Variants in APOL4 observed in about 807,000 individuals in gnomAD.
APOL4 encodes the protein apolipoprotein L, 4.
A neutral mutation model predicts 12.1 loss-of-function variants in APOL4; 14 were observed. The ratio of observed to expected loss-of-function variants is 1.16; its 90% confidence interval spans 0.76 to 1.81. APOL4 has a LOEUF of 1.81. Among genes scored for constraint, APOL4 ranks in the 40% most tolerant of loss-of-function variants. The pLI is 0.00. For missense variants in APOL4, 432 were observed against 423.1 expected (o/e 1.02, Z -0.18); for synonymous variants, 171 against 160.6 (o/e 1.06, Z -0.49).
At chr22:36,202,956 T>G (rs555596915), upstream of APOL4, among the ~76,000 whole-genome samples, 1 of 152,190 alleles carries the variant, frequency 6.6e-6, no homozygotes, top group South Asian at 2.1e-4. Context: ...AACGGGTGAT[T>G]TTAGTAATCC....
chr22:36,196,080 C>A (rs536775441), intron 2 of APOL4, among the ~76,000 whole-genome samples: 30 of 152,328 alleles, frequency 2.0e-4, no homozygotes, highest in Middle Eastern at 3.4e-3. Context: ...AGAAAGTGAG[C>A]TTTCCACCAT....
In APOL4 at chr22:36,191,776, T is replaced by A. The variant is rs746989675; in HGVS notation, c.346A>T (p.Ile116Phe). ...LKEFPQIRWK[I>F]QESIERLRVI... ...CGAAGCCTTTCTATGGACTCCTGAA[T>A]CTTCCATCTGATTTGAGGAAACTCT... is the stretch of plus-strand genomic sequence containing the variant. The change falls in exon 4 of 4, where the codon ATT becomes TTT. Residue 116 changes from isoleucine (I) to phenylalanine (F), a missense_variant. Ile to Phe is a conservative substitution (Grantham distance 21). Transcript: ENST00000683024. 2 of 1,609,194 alleles carry A rather than the reference T, an allele frequency of 1.2e-6. No homozygotes were observed. The highest frequency in any genetic ancestry group is 3.4e-5 in the Admixed American group (2 of 59,310).
chr22:36,193,540 G>A (rs1363923981), intron 3 of APOL4, among the ~76,000 whole-genome samples: 5 of 152,136 alleles, frequency 3.3e-5, no homozygotes, highest in African/African-American at 9.7e-5. Flanking sequence ...AACCACAATC[G>A]TGCAATAACA....
In APOL4 at chr22:36,191,173, TTGCCCCCTTG is replaced by T; in HGVS notation, c.939_948del (p.His313GlnfsTer9). The T allele has an allele frequency of 6.2e-7, 1 of 1,613,144 alleles. No homozygotes were observed. Among genetic ancestry groups the T allele is most frequent in the Non-Finnish European group, 8.5e-7 (1 of 1,179,518 alleles). On this transcript the variant is annotated frameshift_variant, in exon 4 of 4. Coordinates refer to ENST00000683024, the MANE Select transcript of APOL4 (RefSeq NM_001386885.1). LOFTEE classifies it low-confidence loss of function (END_TRUNC). ...CTCAGCGACTCAGCAGACTCGGATT[TTGCCCCCTTG>T]TGCAAGTCCAGTGAGTCTTGCACAA...
chr22:36,201,927 C>G, upstream of APOL4: 1 of 1,612,890 alleles, frequency 6.2e-7, no homozygotes, highest in Non-Finnish European at 8.5e-7. Context: ...AGCCCAAGCC[C>G]TGCCCAATTG....
upstream of APOL4, chr22:36,204,758 GA>G (rs945072677): frequency 6.9e-6 from 2 of 289,796 alleles, no homozygotes; most frequent in African/African-American, 4.5e-5. Flanking sequence ...CCAGGAATTC[GA>G]AAGGTAAAAT....
At chr22:36,200,487 AG>A (rs1338330579) in intron 1 of APOL4, among the ~76,000 whole-genome samples, 1 of 152,234 alleles carries the variant, frequency 6.6e-6, no homozygotes, top group African/African-American at 2.4e-5. Context: ...ATGCCGGCCT[AG>A]CCCCTGCTGT....
chr22:36,195,232 C>T, intron 3 of APOL4, 79 bp downstream of exon 3: 3 of 1,534,862 alleles, frequency 2.0e-6, no homozygotes, highest in South Asian at 2.5e-5. Context: ...AGGAGGTGTG[C>T]CTGCCAGAGA....
In APOL4 at chr22:36,190,829, T is replaced by G; in HGVS notation, c.*246A>C. 4.1e-6 allele frequency: 2 copies of G among 486,466 alleles called. No individual in the cohort carries two copies. Among genetic ancestry groups the G allele is most frequent in the Non-Finnish European group, 3.7e-6 (1 of 269,966 alleles). The allele number at this position is 486,466 out of a possible 1,614,324, so 30.1% of individuals were successfully genotyped here. A position where few individuals can be genotyped will look rare whatever the true frequency, so the allele number is the denominator to read the frequency against. ...CATACATCCTCCTCAGCTGACAGGATTAGGAGATTAAAGTAAAGACAGGCA... is the reference window on the plus strand; with the variant it reads ...CATACATCCTCCTCAGCTGACAGGAGTAGGAGATTAAAGTAAAGACAGGCA... On this transcript the variant is annotated 3_prime_UTR_variant, in exon 4 of 4. Transcript: ENST00000683024.
intron 3 of APOL4, among the ~76,000 whole-genome samples, chr22:36,194,143 C>G (rs1032840869): frequency 6.6e-6 from 1 of 152,104 alleles, no homozygotes; most frequent in African/African-American, 2.4e-5. Context: ...TCAAATTACA[C>G]CAGTTGAAGC....
At chr22:36,201,888 C>T (rs1373828725), upstream of APOL4, 7 of 1,597,434 alleles carry the variant, frequency 4.4e-6, no homozygotes, top group South Asian at 1.1e-5. Context: ...GATTTTGGTT[C>T]CTAGAAAAAC....
At chr22:36,204,705 C>A, upstream of APOL4, 1 of 480,626 alleles carries the variant, frequency 2.1e-6, no homozygotes. Context: ...CAGCTGTGCA[C>A]CTATATAATA....
intron 2 of APOL4, among the ~76,000 whole-genome samples, chr22:36,198,246 C>T (rs1041086912): frequency 3.3e-5 from 5 of 152,234 alleles, no homozygotes; most frequent in African/African-American, 1.2e-4. Context: ...CACCTGCATT[C>T]AGAGACCTCC....
In APOL4 at chr22:36,191,852, C is replaced by A. The variant is rs567877022; in HGVS notation, c.270G>T (p.Glu90Asp). 6 of 1,613,002 alleles carry A rather than the reference C, an allele frequency of 3.7e-6. No homozygotes were observed. The highest frequency in any genetic ancestry group is 3.4e-6 in the Non-Finnish European group (4 of 1,179,936). The change falls in exon 4 of 4, where the codon GAG (glutamate) becomes GAT (aspartate). Residue 90 changes from glutamate (E) to aspartate (D), a missense_variant. Physicochemically the swap from Glu to Asp is conservative, Grantham distance 45. Coordinates refer to ENST00000683024, the MANE Select transcript of APOL4 (RefSeq NM_001386885.1). ...GTTCTTTTTGCTGCATGTCTTTGTC[C>A]TCAATAGCCACATATGGTGTAAGAT... ...LKNLTPYVAI[E>D]DKDMQQKEQQ...
At chr22:36,199,031 C>A (rs975130709) in intron 2 of APOL4, among the ~76,000 whole-genome samples, 1 of 152,218 alleles carries the variant, frequency 6.6e-6, no homozygotes, top group Admixed American at 6.5e-5. Flanking sequence ...TTCCATTTCC[C>A]CAAGGCTGTC....
chr22:36,196,701 C>T (rs538671380), intron 2 of APOL4, among the ~76,000 whole-genome samples: 5 of 152,218 alleles, frequency 3.3e-5, no homozygotes, highest in East Asian at 1.9e-4. Flanking sequence ...TGTGCTCATA[C>T]GTGCGAGGCC....
At chr22:36,195,766 TCTCTC>T (rs2014388601) in intron 2 of APOL4, among the ~76,000 whole-genome samples, 2 of 114,982 alleles carry the variant, frequency 1.7e-5, no homozygotes, top group African/African-American at 2.8e-5. Flanking sequence ...TCTCTCTCTC[TCTCTC>T]TCTCTCACAC....
chr22:36,203,067 G>A (rs1044094591), upstream of APOL4, among the ~76,000 whole-genome samples: 2 of 152,212 alleles, frequency 1.3e-5, no homozygotes, highest in African/African-American at 2.4e-5. Flanking sequence ...TGAATCTCAT[G>A]ATTACAAAGC....
At chr22:36,197,113 G>A (rs747039370) in intron 2 of APOL4, among the ~76,000 whole-genome samples, 1 of 152,160 alleles carries the variant, frequency 6.6e-6, no homozygotes, top group Non-Finnish European at 1.5e-5. Context: ...GTAAACCACA[G>A]ATCATCTTGT....
Sources: gnomAD v4.1 joint callset for allele counts (sites outside exome capture counted in the v4.1 genomes callset) on GRCh38, gnomAD v4.1.1 for gene constraint, MANE v1.5 for transcripts, NCBI Gene and HGNC (gene_info 2026-07-23, HGNC 2026-07-21) for gene names.